Variants in RANBP2 observed in about 807,000 individuals in gnomAD.
The protein encoded by RANBP2 is RAN binding protein 2.
In RANBP2, 57 loss-of-function variants were observed where a neutral mutation model predicts 303.6. That is an observed-to-expected ratio of 0.19 (90% confidence interval 0.15 to 0.23). The LOEUF (loss-of-function observed/expected upper bound fraction) is 0.23. RANBP2 is among the 10% of genes least tolerant of loss of function. The pLI is 1.00. For synonymous variants in RANBP2, 1,167 were observed against 1,301.5 expected, an observed-to-expected ratio of 0.90 and a Z score of 2.23; for missense variants, 3,138 against 3,780.8, an observed-to-expected ratio of 0.83 and a Z score of 4.46.
the RANBP2 span, among the ~76,000 whole-genome samples, chr2:109,720,534 G>T: frequency 6.6e-6 from 1 of 152,144 alleles, no homozygotes; most frequent in South Asian, 2.1e-4. Flanking sequence ...TATGCACCAT[G>T]TGGGGCTGAG....
chr2:109,235,821 G>C, the RANBP2 span, among the ~76,000 whole-genome samples: 1 of 152,216 alleles, frequency 6.6e-6, no homozygotes, highest in Non-Finnish European at 1.5e-5. Flanking sequence ...CGGCACCAGG[G>C]TGGGCCTCCT....
chr2:109,354,450 C>T, the RANBP2 span, among the ~76,000 whole-genome samples: 1 of 152,248 alleles, frequency 6.6e-6, no homozygotes, highest in African/African-American at 2.4e-5. Flanking sequence ...CCACTCATGG[C>T]CAGGCAGGGA....
At chr2:108,797,128 T>C in the RANBP2 span, among the ~76,000 whole-genome samples, 1 of 152,158 alleles carries the variant, frequency 6.6e-6, no homozygotes, top group Non-Finnish European at 1.5e-5. Context: ...TACTTGGTAA[T>C]TTTAGCCATT....
chr2:109,239,377 C>T, the RANBP2 span, among the ~76,000 whole-genome samples: 1 of 152,162 alleles, frequency 6.6e-6, no homozygotes, highest in African/African-American at 2.4e-5. Flanking sequence ...ATTTCTTTCT[C>T]CTCACACAAA....
chr2:108,899,793 C>T, the RANBP2 span, among the ~76,000 whole-genome samples: 4 of 152,260 alleles, frequency 2.6e-5, no homozygotes, highest in East Asian at 7.7e-4. Context: ...CAAGACTAGC[C>T]TGGCCAACAT....
At chr2:109,037,321 C>T in the RANBP2 span, among the ~76,000 whole-genome samples, 1 of 114,090 alleles carries the variant, frequency 8.8e-6, no homozygotes, top group Non-Finnish European at 1.7e-5. Flanking sequence ...AAGACCATGT[C>T]TCAAAAAAAA....
chr2:109,279,585 G>A, the RANBP2 span, among the ~76,000 whole-genome samples: 28 of 152,302 alleles, frequency 1.8e-4, no homozygotes, highest in African/African-American at 6.7e-4. Flanking sequence ...CCTAGTGGGT[G>A]GGATTTCAAG....
the RANBP2 span, chr2:108,856,971 G>C: frequency 7.0e-7 from 1 of 1,437,888 alleles, no homozygotes; most frequent in South Asian, 1.2e-5. Flanking sequence ...GTGGAATCTA[G>C]TAAGTTTTTA....
the RANBP2 span, among the ~76,000 whole-genome samples, chr2:109,046,302 TAAA>T: frequency 1.6e-5 from 2 of 124,322 alleles, no homozygotes; most frequent in Admixed American, 8.4e-5. Context: ...AGACTCTGTC[TAAA>T]AAAAAAAAAA....
At chr2:108,872,294 A>G in the RANBP2 span, among the ~76,000 whole-genome samples, 2 of 152,124 alleles carry the variant, frequency 1.3e-5, no homozygotes, top group African/African-American at 4.8e-5. Context: ...CATACGCAGA[A>G]TACATTCATT....
At chr2:108,936,121 G>A in the RANBP2 span, among the ~76,000 whole-genome samples, 10 of 152,222 alleles carry the variant, frequency 6.6e-5, no homozygotes, top group African/African-American at 2.4e-4. Flanking sequence ...ACCCAGTTGG[G>A]CCCCCCTTGA....
chr2:109,046,416 T>G, the RANBP2 span, among the ~76,000 whole-genome samples: 1 of 151,090 alleles, frequency 6.6e-6, no homozygotes, highest in Admixed American at 6.6e-5. Context: ...CTTTTCTTTT[T>G]TTTTTTTGAG....
the RANBP2 span, among the ~76,000 whole-genome samples, chr2:109,225,717 A>G: frequency 6.6e-6 from 1 of 152,258 alleles, no homozygotes; most frequent in Non-Finnish European, 1.5e-5. Context: ...TGTTTGTCCT[A>G]GACTTAAATT....
At chr2:109,277,387 C>G in the RANBP2 span, among the ~76,000 whole-genome samples, 1 of 152,144 alleles carries the variant, frequency 6.6e-6, no homozygotes, top group Admixed American at 6.5e-5. Flanking sequence ...ACCCCGGCCT[C>G]GGTGATGGAA....
the RANBP2 span, chr2:108,791,651 T>G: frequency 1.3e-6 from 2 of 1,598,532 alleles, no homozygotes; most frequent in Non-Finnish European, 1.7e-6. Flanking sequence ...TCTAGATTGC[T>G]GTGATACAAT....
At chr2:109,029,516 G>A in the RANBP2 span, among the ~76,000 whole-genome samples, 1 of 152,244 alleles carries the variant, frequency 6.6e-6, no homozygotes, top group Non-Finnish European at 1.5e-5. Flanking sequence ...GTGTCTGTCC[G>A]TTTCCAAGGG....
chr2:109,292,157 C>T, the RANBP2 span, among the ~76,000 whole-genome samples: 22 of 152,258 alleles, frequency 1.4e-4, no homozygotes, highest in Non-Finnish European at 3.1e-4. Context: ...GCTACCGTGC[C>T]TGGCCCCAAT....
At chr2:109,440,509 G>T in the RANBP2 span, among the ~76,000 whole-genome samples, 30 of 152,246 alleles carry the variant, frequency 2.0e-4, no homozygotes, top group Non-Finnish European at 4.3e-4. Context: ...GTATTTAAAA[G>T]ATTGAGCTAG....
chr2:109,170,119 A>T, the RANBP2 span, among the ~76,000 whole-genome samples: 1 of 152,210 alleles, frequency 6.6e-6, no homozygotes, highest in Non-Finnish European at 1.5e-5. Flanking sequence ...TAGGCTATGA[A>T]GGTGTTTTAG....
Sources: gnomAD v4.1 joint callset for allele counts (sites outside exome capture counted in the v4.1 genomes callset) on GRCh38, gnomAD v4.1.1 for gene constraint, MANE v1.5 for transcripts, NCBI Gene and HGNC (gene_info 2026-07-23, HGNC 2026-07-21) for gene names.